The following UBASH3B variants were observed in gnomAD, a reference collection of about 807,000 sequenced individuals.
The protein encoded by UBASH3B is ubiquitin-associated and SH3 domain-containing protein B.
A neutral mutation model predicts 83.4 loss-of-function variants in UBASH3B; 37 were observed. That is an observed-to-expected ratio of 0.44 (90% CI 0.34 to 0.58). The LOEUF (loss-of-function observed/expected upper bound fraction) is 0.58, where lower values mean the gene tolerates loss of function less well. Among genes scored for constraint, UBASH3B ranks in the 20% least tolerant of loss-of-function variants. The pLI is 0.01. For missense variants in UBASH3B, 657 were observed against 827.2 expected, an observed-to-expected ratio of 0.79 and a Z score of 2.52; for synonymous variants, 304 against 318.3, an observed-to-expected ratio of 0.96 and a Z score of 0.48.
At chr11:122,777,349 G>C (rs771691681) in intron 3 of UBASH3B, 139 bp downstream of exon 3, 20 of 969,286 alleles carry the variant, frequency 2.1e-5, no homozygotes, top group African/African-American at 3.3e-5. Context: ...GGACCTTCAA[G>C]GGATCAGTGA....
rs201797443 is a variant in UBASH3B, at chr11:122,789,259, G to A, written c.931G>A (p.Glu311Lys). ...LTTGCSGLLP[E>K]NYITKADECS... ...CACCGGCTGCTCTGGACTCCTGCCT[G>A]AGAATTACATTACCAAGGCTGATGA... Residue 311 changes from glutamate to lysine, a missense_variant, in exon 6 of 14, where the codon GAG (glutamate) becomes AAG (lysine). By Grantham distance (56) the Glu-to-Lys change is moderately conservative. Transcript: ENST00000284273. 11 of 1,614,218 alleles carry A rather than the reference G, an allele frequency of 6.8e-6. No individual in the cohort carries two copies. The Admixed American group carries it at 1.8e-4, about 27-fold the overall frequency.
chr11:122,797,047 A>G lies in UBASH3B; in HGVS notation c.1357+14A>G. 6.3e-7 allele frequency: 1 copy of G among 1,587,210 alleles called. No homozygotes were observed. ...CAAGACTAGTGGGTAAGTATCCTGG[A>G]GTGACTGCACTCCAGGCATTTCTTG... On this transcript the variant is annotated intron_variant, in intron 9 of 13. Transcript: ENST00000284273.
At chr11:122,689,311 TA>T (rs1039965111) in intron 1 of UBASH3B, among the ~76,000 whole-genome samples, 2 of 152,228 alleles carry the variant, frequency 1.3e-5, no homozygotes, top group African/African-American at 4.8e-5. Flanking sequence ...ATTATTTGTC[TA>T]AAATGATTTC....
intron 1 of UBASH3B, among the ~76,000 whole-genome samples, chr11:122,689,762 A>G (rs560303504): frequency 6.6e-6 from 1 of 152,148 alleles, no homozygotes; most frequent in East Asian, 1.9e-4. Flanking sequence ...TCAAGTTGGG[A>G]GTTACCACAA....
chr11:122,680,487 G>T (rs1863723695), intron 1 of UBASH3B, among the ~76,000 whole-genome samples: 1 of 152,182 alleles, frequency 6.6e-6, no homozygotes, highest in Non-Finnish European at 1.5e-5. Context: ...TTTTGAAACG[G>T]AGTTTCGCTC....
intron 1 of UBASH3B, among the ~76,000 whole-genome samples, chr11:122,698,913 C>T (rs1346906245): frequency 2.6e-5 from 4 of 152,154 alleles, no homozygotes; most frequent in Non-Finnish European, 5.9e-5. Context: ...TGCAATGTTG[C>T]GATCTCGGCT....
At chr11:122,719,089 G>A (rs999250501) in intron 1 of UBASH3B, among the ~76,000 whole-genome samples, 5 of 152,120 alleles carry the variant, frequency 3.3e-5, no homozygotes, top group Non-Finnish European at 7.3e-5. Context: ...GCTGCTGTTC[G>A]AACAATCTAA....
chr11:122,666,397 G>T (rs1377768906), intron 1 of UBASH3B, among the ~76,000 whole-genome samples: 1 of 149,580 alleles, frequency 6.7e-6, no homozygotes, highest in East Asian at 2.0e-4. Context: ...TTTCGTTTTT[G>T]TTTTTTTTTT....
At chr11:122,743,308 A>G (rs574056838) in intron 1 of UBASH3B, among the ~76,000 whole-genome samples, 7 of 152,098 alleles carry the variant, frequency 4.6e-5, no homozygotes, top group African/African-American at 7.2e-5. Context: ...CTCCAACTCC[A>G]GGGCTCATGT....
chr11:122,708,361 G>C (rs1294358680), intron 1 of UBASH3B, among the ~76,000 whole-genome samples: 1 of 144,648 alleles, frequency 6.9e-6, no homozygotes, highest in East Asian at 2.1e-4. Context: ...GCACAATCTC[G>C]GCTCACTGCA....
intron 11 of UBASH3B, among the ~76,000 whole-genome samples, chr11:122,802,348 AATAT>A (rs1292183149): frequency 3.3e-5 from 5 of 151,426 alleles, no homozygotes; most frequent in Non-Finnish European, 7.4e-5. Context: ...AATTAATAAT[AATAT>A]AGTTACCTTA....
intron 11 of UBASH3B, among the ~76,000 whole-genome samples, chr11:122,804,400 C>A (rs555545865): frequency 6.6e-6 from 1 of 152,102 alleles, no homozygotes; most frequent in Non-Finnish European, 1.5e-5. Flanking sequence ...TCAAGTGGAA[C>A]GGCATCCTTC....
rs1344475777 is a variant in UBASH3B at position 122,811,110 on chromosome 11, T to TA, written c.*1225dup. 2 of 152,658 alleles carry TA rather than the reference T, an allele frequency of 1.3e-5. No individual in the cohort carries two copies. The highest frequency in any genetic ancestry group is 2.4e-5 in the African/African-American group (1 of 41,462). The allele number at this position is 152,658 out of a possible 1,614,324, so 9.5% of individuals were successfully genotyped here. On this transcript the variant is annotated 3_prime_UTR_variant, in exon 14 of 14. Coordinates refer to ENST00000284273, the MANE Select transcript of UBASH3B (RefSeq NM_032873.5). ...ACATTCTGTGGTTTCTCATTATACT[T>TA]ACTTCCTGCATTTAGAGGGAGTTTA... is the stretch of plus-strand genomic sequence containing the variant.
intron 1 of UBASH3B, among the ~76,000 whole-genome samples, chr11:122,683,019 G>A (rs1363083707): frequency 6.6e-6 from 1 of 152,084 alleles, no homozygotes; most frequent in Non-Finnish European, 1.5e-5. Context: ...GCCAAGGCAG[G>A]AAGATTGCTT....
intron 1 of UBASH3B, among the ~76,000 whole-genome samples, chr11:122,745,235 T>TAACA (rs1417858959): frequency 1.3e-5 from 2 of 152,184 alleles, no homozygotes; most frequent in African/African-American, 2.4e-5. Context: ...CTGGATCACG[T>TAACA]AACAAACAGA....
At chr11:122,658,972 T>C (rs1863398350) in intron 1 of UBASH3B, among the ~76,000 whole-genome samples, 1 of 152,188 alleles carries the variant, frequency 6.6e-6, no homozygotes, top group African/African-American at 2.4e-5. Context: ...TCTAGGGGAA[T>C]CCACTCCCTG....
intron 1 of UBASH3B, among the ~76,000 whole-genome samples, chr11:122,748,429 G>A (rs1019100750): frequency 4.6e-5 from 7 of 152,138 alleles, no homozygotes; most frequent in African/African-American, 1.4e-4. Flanking sequence ...AGACGGGCAC[G>A]CGCCATCCCA....
chr11:122,785,156 T>C (rs1860925339), intron 5 of UBASH3B, among the ~76,000 whole-genome samples: 2 of 152,182 alleles, frequency 1.3e-5, no homozygotes, highest in African/African-American at 4.8e-5. Flanking sequence ...TCAATTGGCA[T>C]GGAAGGAAAA....
chr11:122,745,433 C>A (rs1269431306), intron 1 of UBASH3B, among the ~76,000 whole-genome samples: 3 of 152,250 alleles, frequency 2.0e-5, no homozygotes, highest in Non-Finnish European at 2.9e-5. Flanking sequence ...GAGTGTACAG[C>A]ACTGGGGAGC....
Sources: gnomAD v4.1 joint callset for allele counts (sites outside exome capture counted in the v4.1 genomes callset) on GRCh38, gnomAD v4.1.1 for gene constraint, MANE v1.5 for transcripts, NCBI Gene and HGNC (gene_info 2026-07-23, HGNC 2026-07-21) for gene names.